The following AATK variants were observed in gnomAD, a reference collection of about 807,000 sequenced individuals.
AATK encodes lemur tail kinase 1.
A neutral mutation model predicts 114.3 loss-of-function variants in AATK; 91 were observed. The ratio of observed to expected loss-of-function variants is 0.80; its 90% CI spans 0.67 to 0.95. The LOEUF is 0.95. AATK is among the 40% of genes least tolerant of loss of function. The pLI, the probability that AATK is intolerant of heterozygous loss-of-function variation, is 0.00. For synonymous variants in AATK, 1,075 were observed against 916.5 expected, an observed-to-expected ratio of 1.17 and a Z score of -3.12; for missense variants, 2,176 against 1,965.2, an observed-to-expected ratio of 1.11 and a Z score of -2.03.
rs758595413 is a variant in AATK, at chr17:81,143,362, G to A, written c.56-8861C>T. Among the ~76,000 whole-genome samples the A allele has an allele frequency of 3.9e-5, 6 of 152,192 alleles. No individual in the cohort carries two copies. In the South Asian group the frequency reaches 8.3e-4, roughly 21 times the overall value. On this transcript the variant is annotated intron_variant, in intron 1 of 13. Transcript: ENST00000326724. ...GGACCGGGTGCTCACTGCAGCACAG[G>A]GTGGCCCTGGTCAAAGCCAAGAGCT... is the stretch of plus-strand genomic sequence containing the variant.
At position 81,131,080 on chromosome 17, in the gene AATK, G is replaced by T; in HGVS notation, c.315C>A (p.Ala105=). ...LPLTEVSLPM[A]KQPGRSVQLL... is the part of the protein sequence containing the mutation. ...CCTCACCTGAGCGCCCAGGCTGCTT[G>T]GCCATGGGCAAGGAGACCTCCGTGA... Residue 105 remains alanine (A), a synonymous_variant, in exon 3 of 14, where the codon GCC becomes GCA. Transcript: ENST00000326724. The T allele has an allele frequency of 6.4e-7, 1 of 1,554,670 alleles. No individual in the cohort carries two copies.
At chr17:81,127,463 G>C (rs1171867692) in intron 6 of AATK, 120 bp downstream of exon 6, 3 of 993,356 alleles carry the variant, frequency 3.0e-6, no homozygotes, top group Non-Finnish European at 4.7e-6. Flanking sequence ...CAGGGTCCCT[G>C]GGTCTTGGCT....
In AATK at chr17:81,159,510, G is replaced by A. The variant is rs139387919; in HGVS notation, c.55+6428C>T. On this transcript the variant is annotated intron_variant, in intron 1 of 13. Transcript: ENST00000326724. ...CACTAGGAAGCCACACGCCTTTTTC[G>A]CAGGGGGTTCGAGGAAATTCCACGT... Among the ~76,000 whole-genome samples the A allele has an allele frequency of 5.2e-4, 79 of 152,198 alleles. 1 individual carries two copies. Among genetic ancestry groups the A allele is most frequent in the African/African-American group, 1.5e-3 (61 of 41,534 alleles).
chr17:81,133,536 G>T (rs929592187), intron 2 of AATK, among the ~76,000 whole-genome samples: 3 of 152,210 alleles, frequency 2.0e-5, no homozygotes, highest in Non-Finnish European at 4.4e-5. Context: ...CTGGCCCAGG[G>T]GTGGGGCTGA....
In AATK at chr17:81,126,304, C is replaced by G. The variant is rs556182341; in HGVS notation, c.755+123G>C. The G allele has an allele frequency of 1.6e-4, 198 of 1,245,856 alleles. No individual in the cohort carries two copies. In the South Asian group the frequency reaches 2.0e-3, roughly 13 times the overall value. The allele number at this position is 1,245,856 out of a possible 1,614,324, so 77.2% of individuals were successfully genotyped here. A position where few individuals can be genotyped will look rare whatever the true frequency, so the allele number is the denominator to read the frequency against. On this transcript the variant is annotated intron_variant, in intron 7 of 13. Coordinates refer to ENST00000326724, the MANE Select transcript of AATK (RefSeq NM_001080395.3). The surrounding 1 kb of genome is among the most constrained non-coding windows in gnomAD (Gnocchi z 5.1). ...CCCTCTGCATAGTGGTTGTCTGATG[C>G]TGCATGAGATGAACCTGGCCGGTCC... is the stretch of plus-strand genomic sequence containing the variant.
intron 1 of AATK, among the ~76,000 whole-genome samples, chr17:81,144,449 T>G (rs1368087124): frequency 7.9e-5 from 12 of 152,070 alleles, no homozygotes; most frequent in African/African-American, 2.7e-4. Flanking sequence ...GGCCTGTGGG[T>G]GGCCGAGAGG....
chr17:81,131,029 G>A lies in AATK; in HGVS notation c.334+32C>T, dbSNP rs1459671970. On this transcript the variant is annotated intron_variant, in intron 3 of 13. Coordinates refer to ENST00000326724, the MANE Select transcript of AATK (RefSeq NM_001080395.3). ...ACGCCCAGCACCTGGGCCCCGGAGG[G>A]AGGCCACCCCATCTCCCCACCCAGC... 2.6e-6 allele frequency: 4 copies of A among 1,542,246 alleles called. No homozygotes were observed. In the East Asian group the frequency reaches 9.8e-5, roughly 38 times the overall value.
chr17:81,134,402 C>T lies in AATK; in HGVS notation c.155G>A (p.Cys52Tyr). ...GATACCGCCCTTCTTACAGCACAGGCAGGCCAGCATGAGGACGATGACGGC... is the reference window on the plus strand; with the variant it reads ...GATACCGCCCTTCTTACAGCACAGGTAGGCCAGCATGAGGACGATGACGGC... ...LFAVIVLMLA[C>Y]LCCKKGGIGF... Residue 52 changes from cysteine to tyrosine, a missense_variant, in exon 2 of 14, where the codon TGC becomes TAC. By Grantham distance (194) the Cys-to-Tyr change is radical. Coordinates refer to ENST00000326724, the MANE Select transcript of AATK (RefSeq NM_001080395.3). 1 of 1,613,326 alleles carries T rather than the reference C, an allele frequency of 6.2e-7. No homozygotes were observed. The highest frequency in any genetic ancestry group is 8.5e-7 in the Non-Finnish European group (1 of 1,179,812).
Position 81,122,496 on chromosome 17 carries a change from C to T in AATK, c.1440G>A (p.Lys480=). The change falls in exon 11 of 14, where the codon AAG becomes AAA. Residue 480 remains lysine, a synonymous_variant. Transcript: ENST00000326724. ...CCTCCGCGCCGCGGCCCGCCTCCCA[C>T]TTGTACTCAAAATTGAGGCCTCGGC... ...ETSRGLNFEY[K]WEAGRGAEAF... is the part of the protein sequence containing the mutation. The T allele has an allele frequency of 1.4e-6, 2 of 1,469,804 alleles. No homozygotes were observed. The highest frequency in any genetic ancestry group is 1.8e-6 in the Non-Finnish European group (2 of 1,106,072). 91.0% of individuals were successfully genotyped at this position (1,469,804 alleles called of 1,614,324 possible). A position where few individuals can be genotyped will look rare whatever the true frequency, so the allele number is the denominator to read the frequency against.
chr17:81,148,916 G>T (rs930639260), intron 1 of AATK, among the ~76,000 whole-genome samples: 2 of 152,100 alleles, frequency 1.3e-5, no homozygotes, highest in African/African-American at 4.8e-5. Context: ...TGAGGAGCTT[G>T]GGAATAGCCC....
Position 81,123,197 on chromosome 17 carries a change from C to T in AATK, c.1109G>A (p.Arg370His), listed in dbSNP as rs1285999398. 1.3e-5 allele frequency: 18 copies of T among 1,421,756 alleles called. No individual in the cohort carries two copies. Among genetic ancestry groups the T allele is most frequent in the South Asian group, 1.5e-5 (1 of 67,090 alleles). The allele number at this position is 1,421,756 out of a possible 1,614,324, so 88.1% of individuals were successfully genotyped here. Reference sequence around the variant, plus strand: ...GACAGGGCAGTGGGGCCCTCACCAGCGGTCCGACAGGGTCAGCTGCAGCTG... The same window carrying T: ...GACAGGGCAGTGGGGCCCTCACCAGTGGTCCGACAGGGTCAGCTGCAGCTG... ...KPQLQLTLSDRWYEVMQFCWL... is the reference protein window; with the variant it reads ...KPQLQLTLSDHWYEVMQFCWL... The change falls in exon 10 of 14, where the codon CGC becomes CAC. Residue 370 changes from arginine (R) to histidine (H), a missense_variant. Physicochemically the swap from Arg to His is conservative, Grantham distance 29. This residue lies in a region of AATK where 273 missense variants were observed against 344.1 expected (regional missense o/e 0.79). Coordinates refer to ENST00000326724, the MANE Select transcript of AATK (RefSeq NM_001080395.3).
chr17:81,152,871 C>A (rs1203512417), intron 1 of AATK, among the ~76,000 whole-genome samples: 4 of 146,570 alleles, frequency 2.7e-5, no homozygotes, highest in African/African-American at 5.1e-5. Context: ...GAGACCAAGT[C>A]TCGCTCTGTC....
chr17:81,125,054 TGA>T, intron 7 of AATK, 40 bp from the exon 8 acceptor site: 1 of 1,365,182 alleles, frequency 7.3e-7, no homozygotes, highest in South Asian at 1.5e-5. Flanking sequence ...GTGAGCAGGG[TGA>T]GCAGGGTGTG....
intron 3 of AATK, chr17:81,128,886 G>C (rs2060888578): frequency 5.2e-6 from 6 of 1,161,982 alleles, no homozygotes; most frequent in Non-Finnish European, 6.5e-6. Context: ...AGGCAGTGTG[G>C]CTGAGCAAGA....
chr17:81,127,136 G>A (rs539434850), intron 6 of AATK, among the ~76,000 whole-genome samples: 1 of 134,460 alleles, frequency 7.4e-6, no homozygotes, highest in Admixed American at 7.2e-5. Context: ...GGGAGGGGGG[G>A]ACAGGTCCCC....
intron 1 of AATK, among the ~76,000 whole-genome samples, chr17:81,158,060 G>A (rs897886889): frequency 6.6e-6 from 1 of 152,230 alleles, no homozygotes; most frequent in South Asian, 2.1e-4. Context: ...AGGAGGAAAC[G>A]GGCAGGTCCA....
chr17:81,144,542 C>T (rs1284846268), intron 1 of AATK, among the ~76,000 whole-genome samples: 2 of 152,228 alleles, frequency 1.3e-5, no homozygotes, highest in Admixed American at 6.5e-5. Context: ...GCAGGGGGCC[C>T]GCAGGAGCCC....
At chr17:81,160,347 C>T (rs2061415957) in intron 1 of AATK, 1 of 722,932 alleles carries the variant, frequency 1.4e-6, no homozygotes, top group Admixed American at 6.3e-5. Context: ...GCCCCCTGAC[C>T]CCAGGCCCCG....
In AATK at chr17:81,121,537, G is replaced by C; in HGVS notation, c.2399C>G (p.Pro800Arg). ...TGGGGCTCCCTCCTGGGATGGGGAG[G>C]GGACGGAAGGAAGGGGCAGGCGGGG... ...TGPRLPLPSV[P>R]SPSQEGAPLP... Residue 800 changes from proline to arginine, a missense_variant, in exon 11 of 14, where the codon CCC (proline) becomes CGC (arginine). Pro to Arg is a moderately radical substitution (Grantham distance 103). Transcript: ENST00000326724. 1 of 1,534,884 alleles carries C rather than the reference G, an allele frequency of 6.5e-7. No homozygotes were observed. Among genetic ancestry groups the C allele is most frequent in the Non-Finnish European group, 8.8e-7 (1 of 1,139,558 alleles).
Sources: allele counts gnomAD v4.1 joint callset (sites outside exome capture counted in the v4.1 genomes callset), GRCh38; gene constraint gnomAD v4.1.1; regional missense constraint gnomAD v4.1.1; non-coding constraint Gnocchi (gnomAD v3.1); transcripts MANE v1.5; gene names NCBI Gene and HGNC (gene_info 2026-07-23, HGNC 2026-07-21).